NRXN1: variants seen among roughly 807,000 people sequenced by gnomAD.
The protein encoded by NRXN1 is neurexin-1.
A neutral mutation model predicts 150.9 loss-of-function variants in NRXN1; 39 were observed. That is an observed-to-expected ratio of 0.26 (90% CI 0.20 to 0.34). The LOEUF is 0.34. NRXN1 is among the 10% of genes least tolerant of loss of function. The probability of loss-of-function intolerance (pLI) is 1.00; values close to 1 mark genes in which losing one functional copy is unlikely to be tolerated. For synonymous variants in NRXN1, 924 were observed against 757.0 expected (o/e 1.22, Z -3.62); for missense variants, 1,815 against 1,949.9 (o/e 0.93, Z 1.30).
intron 15 of NRXN1, among the ~76,000 whole-genome samples, chr2:50,485,053 G>A (rs2104815555): frequency 6.6e-6 from 1 of 152,258 alleles, no homozygotes; most frequent in Non-Finnish European, 1.5e-5. Flanking sequence ...TGTGCTACGT[G>A]ACAAATGAAT....
chr2:49,993,102 T>C (rs1473454608), intron 21 of NRXN1, among the ~76,000 whole-genome samples: 1 of 152,182 alleles, frequency 6.6e-6, no homozygotes, highest in Non-Finnish European at 1.5e-5. Context: ...CACAAAAACC[T>C]GCAAAGAGAT....
intron 5 of NRXN1, among the ~76,000 whole-genome samples, chr2:50,673,721 CATCT>C (rs1163972980): frequency 8.5e-5 from 13 of 152,210 alleles, no homozygotes; most frequent in Non-Finnish European, 1.5e-4. Flanking sequence ...CTAATTCATC[CATCT>C]ATCTAGCCAT....
At chr2:50,208,145 C>T (rs1319909460) in intron 18 of NRXN1, among the ~76,000 whole-genome samples, 1 of 152,094 alleles carries the variant, frequency 6.6e-6, no homozygotes, top group East Asian at 1.9e-4. Context: ...CTGCTCATTT[C>T]CCTCCAGTGG....
chr2:50,252,179 A>C (rs555093369), intron 17 of NRXN1, among the ~76,000 whole-genome samples: 166 of 79,540 alleles, frequency 2.1e-3, no homozygotes, highest in Non-Finnish European at 3.4e-3. Flanking sequence ...TTTACATTTA[A>C]GTCTTTTTTT....
intron 5 of NRXN1, among the ~76,000 whole-genome samples, chr2:50,908,396 T>A (rs1684046483): frequency 1.5e-5 from 2 of 130,666 alleles, no homozygotes; most frequent in Non-Finnish European, 3.6e-5. Flanking sequence ...ACCACACCCC[T>A]ACCTTTGATT....
At chr2:50,203,010 G>A (rs2062295468) in intron 18 of NRXN1, among the ~76,000 whole-genome samples, 1 of 152,096 alleles carries the variant, frequency 6.6e-6, no homozygotes, top group Admixed American at 6.5e-5. Flanking sequence ...TCCCAGAGAG[G>A]GCAGCCTGGA....
At chr2:51,001,899 A>G (rs374910505) in intron 2 of NRXN1, among the ~76,000 whole-genome samples, 1 of 151,988 alleles carries the variant, frequency 6.6e-6, no homozygotes. Context: ...GAAGCAGGTC[A>G]TAAGATATTC....
chr2:50,565,592 A>G (rs1669722766), intron 8 of NRXN1, among the ~76,000 whole-genome samples: 2 of 152,174 alleles, frequency 1.3e-5, no homozygotes, highest in African/African-American at 4.8e-5. Flanking sequence ...CTAAATGCAC[A>G]TATATATAAA....
At chr2:50,487,070 T>C (rs1161602192) in intron 15 of NRXN1, among the ~76,000 whole-genome samples, 1 of 152,184 alleles carries the variant, frequency 6.6e-6, no homozygotes, top group Non-Finnish European at 1.5e-5. Flanking sequence ...AGCCTCATGT[T>C]AGTTTCATCA....
At chr2:50,142,692 T>G (rs1707451803) in intron 18 of NRXN1, among the ~76,000 whole-genome samples, 1 of 151,942 alleles carries the variant, frequency 6.6e-6, no homozygotes, top group Non-Finnish European at 1.5e-5. Flanking sequence ...TCCTTAATGC[T>G]AAAAAATTTA....
intron 8 of NRXN1, among the ~76,000 whole-genome samples, chr2:50,600,509 G>A (rs555227113): frequency 1.3e-5 from 2 of 152,000 alleles, no homozygotes; most frequent in Non-Finnish European, 2.9e-5. Context: ...GTTTTTAATA[G>A]AGACGGGGTT....
intron 17 of NRXN1, among the ~76,000 whole-genome samples, chr2:50,289,092 G>A (rs1435248772): frequency 1.3e-5 from 2 of 152,106 alleles, no homozygotes; most frequent in Non-Finnish European, 2.9e-5. Context: ...AGGAGAAATA[G>A]AACTGGATGG....
intron 11 of NRXN1, among the ~76,000 whole-genome samples, chr2:50,530,161 CTT>C (rs976045253): frequency 4.6e-5 from 7 of 152,074 alleles, no homozygotes; most frequent in African/African-American, 1.7e-4. Flanking sequence ...TTTGACTCCT[CTT>C]ATTTTGAAAT....
chr2:50,269,694 G>C (rs2069332759), intron 17 of NRXN1, among the ~76,000 whole-genome samples: 1 of 152,092 alleles, frequency 6.6e-6, no homozygotes, highest in African/African-American at 2.4e-5. Flanking sequence ...CAAACTAGTC[G>C]AGTTTTCTCA....
intron 12 of NRXN1, among the ~76,000 whole-genome samples, chr2:50,509,452 G>C (rs919820905): frequency 2.0e-5 from 3 of 152,064 alleles, no homozygotes; most frequent in Admixed American, 1.3e-4. Flanking sequence ...CACAGAAGAA[G>C]GGACATCATT....
intron 5 of NRXN1, among the ~76,000 whole-genome samples, chr2:50,879,933 C>T (rs190009035): frequency 6.0e-4 from 91 of 151,964 alleles, no homozygotes; most frequent in African/African-American, 2.1e-3. Context: ...CCCAGTACTC[C>T]ACACAAACTG....
chr2:50,914,288 T>A (rs941598083), intron 5 of NRXN1, among the ~76,000 whole-genome samples: 1 of 151,642 alleles, frequency 6.6e-6, no homozygotes, highest in Non-Finnish European at 1.5e-5. Context: ...AATGAATCAA[T>A]TTATATTTAT....
At chr2:49,969,718 G>C (rs1014060655) in intron 21 of NRXN1, 5 of 151,970 alleles carry the variant, frequency 3.3e-5, no homozygotes, top group East Asian at 1.9e-4. Context: ...TCTGAGATCA[G>C]ATGAGAATGG....
chr2:49,982,000 C>A (rs543193156), intron 21 of NRXN1, among the ~76,000 whole-genome samples: 20 of 152,160 alleles, frequency 1.3e-4, no homozygotes, highest in African/African-American at 4.6e-4. Flanking sequence ...AACATGTACT[C>A]CAGGTGATCC....
Sources: gnomAD v4.1 joint callset for allele counts (sites outside exome capture counted in the v4.1 genomes callset) on GRCh38, gnomAD v4.1.1 for gene constraint, MANE v1.5 for transcripts, NCBI Gene and HGNC (gene_info 2026-07-23, HGNC 2026-07-21) for gene names.